Variants in ADGRE2 observed in about 807,000 individuals in gnomAD.
The protein encoded by ADGRE2 is adhesion G protein-coupled receptor E2.
ADGRE2 carries 83 observed loss-of-function variants against 100.8 expected under a neutral mutation model. That is an observed-to-expected ratio of 0.82 (90% CI 0.69 to 0.99). The LOEUF is 0.99. Among genes scored for constraint, ADGRE2 ranks in the 50% least tolerant of loss-of-function variants. The pLI is 0.00. For missense variants in ADGRE2, 814 were observed against 1,035.7 expected (o/e 0.79, Z 2.94); for synonymous variants, 355 against 413.0 (o/e 0.86, Z 1.70).
intron 20 of ADGRE2, among the ~76,000 whole-genome samples, chr19:14,736,729 T>C (rs1388977116): frequency 1.4e-5 from 2 of 144,428 alleles, no homozygotes; most frequent in African/African-American, 5.1e-5. Flanking sequence ...TATATAGATA[T>C]TTAGAAATAT....
downstream of ADGRE2, chr19:14,731,094 TC>T (rs1568568256): frequency 5.6e-6 from 6 of 1,076,360 alleles, no homozygotes; most frequent in East Asian, 2.7e-5. Flanking sequence ...TCCTGCCCCC[TC>T]CCCCCAAGGA....
intron 20 of ADGRE2, among the ~76,000 whole-genome samples, chr19:14,738,611 A>T (rs1406834943): frequency 5.9e-5 from 9 of 151,944 alleles, no homozygotes; most frequent in African/African-American, 2.2e-4. Flanking sequence ...GTCCTGAGCT[A>T]AAGTGATCTG....
chr19:14,724,921 A>T, the ADGRE2 span, among the ~76,000 whole-genome samples: 1 of 152,210 alleles, frequency 6.6e-6, no homozygotes, highest in Non-Finnish European at 1.5e-5. Context: ...GTAGGCAAAT[A>T]CCAAGCACTT....
chr19:14,777,920 G>A (rs549327818), intron 1 of ADGRE2, among the ~76,000 whole-genome samples: 15 of 152,214 alleles, frequency 9.9e-5, no homozygotes, highest in African/African-American at 3.6e-4. Context: ...TTGATTCCAG[G>A]TCTTTGCTAT....
intron 20 of ADGRE2, among the ~76,000 whole-genome samples, chr19:14,742,405 A>T (rs1168840024): frequency 6.6e-6 from 1 of 151,942 alleles, no homozygotes; most frequent in Non-Finnish European, 1.5e-5. Context: ...CTAATTTTTA[A>T]ATGCTTTATA....
At chr19:14,739,266 G>T (rs1215834944) in intron 20 of ADGRE2, among the ~76,000 whole-genome samples, 1 of 151,790 alleles carries the variant, frequency 6.6e-6, no homozygotes, top group Non-Finnish European at 1.5e-5. Flanking sequence ...CAGCGTGTCC[G>T]GCCAAGGCAC....
At chr19:14,738,155 G>C (rs1235353630) in intron 20 of ADGRE2, among the ~76,000 whole-genome samples, 2 of 152,064 alleles carry the variant, frequency 1.3e-5, no homozygotes, top group African/African-American at 4.8e-5. Context: ...TGTAGCAAAT[G>C]ATCACATGTA....
At chr19:14,747,024 A>G in intron 16 of ADGRE2, 62 bp from the exon 17 acceptor site, 1 of 1,366,648 alleles carries the variant, frequency 7.3e-7, no homozygotes, top group East Asian at 2.4e-5. Context: ...AGTTATGTAA[A>G]TCTATTCCAT....
chr19:14,753,362 G>T (rs1365066627), intron 14 of ADGRE2, among the ~76,000 whole-genome samples: 1 of 152,100 alleles, frequency 6.6e-6, no homozygotes, highest in Non-Finnish European at 1.5e-5. Flanking sequence ...GGGCGGGAGG[G>T]GCTGGGCGGT....
Position 14,751,608 on chromosome 19 carries a change from GCATC to G in ADGRE2, c.1848_1851del (p.Trp616CysfsTer15). 6.2e-7 allele frequency: 1 copy of G among 1,614,052 alleles called. No homozygotes were observed. The highest frequency in any genetic ancestry group is 8.5e-7 in the Non-Finnish European group (1 of 1,180,022). ...AGGAAGAGGTACAGGGCCTCCAGCA[GCATC>G]CAGGTCAAGGTGGCCAGGTAGAGAT... On this transcript the variant is annotated frameshift_variant, in exon 16 of 21. Coordinates refer to ENST00000315576, the MANE Select transcript of ADGRE2 (RefSeq NM_013447.4). LOFTEE classifies it high-confidence loss of function.
chr19:14,757,201 A>G (rs2043530577), intron 11 of ADGRE2, among the ~76,000 whole-genome samples: 1 of 152,296 alleles, frequency 6.6e-6, no homozygotes, highest in South Asian at 2.1e-4. Flanking sequence ...TCTGGCCTAC[A>G]AAAGTGTTTG....
At chr19:14,727,269 C>T in the ADGRE2 span, among the ~76,000 whole-genome samples, 3 of 152,110 alleles carry the variant, frequency 2.0e-5, no homozygotes, top group Non-Finnish European at 4.4e-5. Context: ...ACCTTGTGAT[C>T]CGCCCGCCTT....
At chr19:14,777,316 T>C (rs1462217917) in intron 1 of ADGRE2, among the ~76,000 whole-genome samples, 1 of 152,206 alleles carries the variant, frequency 6.6e-6, no homozygotes, top group African/African-American at 2.4e-5. Context: ...TGGCAGTATC[T>C]TCCCCTGCTG....
At chr19:14,763,063 C>G (rs59692610) in intron 11 of ADGRE2, among the ~76,000 whole-genome samples, 1 of 152,094 alleles carries the variant, frequency 6.6e-6, no homozygotes, top group African/African-American at 2.4e-5. Flanking sequence ...GCAGGCCGGG[C>G]GTGGTGGCTC....
At chr19:14,759,934 T>C (rs2043654748) in intron 11 of ADGRE2, among the ~76,000 whole-genome samples, 1 of 149,952 alleles carries the variant, frequency 6.7e-6, no homozygotes, top group Admixed American at 6.7e-5. Context: ...TTCTCCTGCC[T>C]CAGTCTCCCG....
the ADGRE2 span, among the ~76,000 whole-genome samples, chr19:14,726,694 C>G: frequency 6.6e-6 from 1 of 152,152 alleles, no homozygotes; most frequent in Admixed American, 6.5e-5. Flanking sequence ...AGGACATAGA[C>G]GCAATGCTGC....
chr19:14,754,481 A>G lies in ADGRE2; in HGVS notation c.1590+473T>C, dbSNP rs565808228. On this transcript the variant is annotated intron_variant, in intron 14 of 20. Coordinates refer to ENST00000315576, the MANE Select transcript of ADGRE2 (RefSeq NM_013447.4). ...TATCTATCTATCTATCTATCTATCT[A>G]TCTATCTATTCCATTAGTTCTGTCC... Among the ~76,000 whole-genome samples the G allele has an allele frequency of 2.4e-4, 36 of 150,714 alleles. 1 individual carries two copies. The highest frequency in any genetic ancestry group is 4.0e-4 in the Non-Finnish European group (27 of 67,784).
At chr19:14,739,694 G>A (rs1252441180) in intron 20 of ADGRE2, among the ~76,000 whole-genome samples, 1 of 152,166 alleles carries the variant, frequency 6.6e-6, no homozygotes, top group African/African-American at 2.4e-5. Flanking sequence ...AAGAGACTTT[G>A]TAGATACGGT....
chr19:14,763,459 G>A (rs1346163871), intron 11 of ADGRE2, among the ~76,000 whole-genome samples: 1 of 151,896 alleles, frequency 6.6e-6, no homozygotes, highest in East Asian at 1.9e-4. Flanking sequence ...GTTCTCTTTT[G>A]AAGTGATTTC....
Sources: allele counts gnomAD v4.1 joint callset (sites outside exome capture counted in the v4.1 genomes callset), GRCh38; gene constraint gnomAD v4.1.1; transcripts MANE v1.5; gene names NCBI Gene and HGNC (gene_info 2026-07-23, HGNC 2026-07-21).